The following GPNMB variants were observed in gnomAD, a reference collection of about 807,000 sequenced individuals.
The protein encoded by GPNMB is glycoprotein nmb.
A neutral mutation model predicts 57.3 loss-of-function variants in GPNMB; 71 were observed. That is an observed-to-expected ratio of 1.24 (90% CI 1.02 to 1.51). The LOEUF (loss-of-function observed/expected upper bound fraction) is 1.51. GPNMB is among the 40% of genes most tolerant of loss of function. The pLI is 0.00. For missense variants in GPNMB, 677 were observed against 691.9 expected (o/e 0.98, Z 0.24); for synonymous variants, 253 against 263.2 (o/e 0.96, Z 0.38).
chr7:23,252,642 T>C (rs576411635), intron 1 of GPNMB, among the ~76,000 whole-genome samples: 3 of 152,234 alleles, frequency 2.0e-5, no homozygotes, highest in East Asian at 3.9e-4. Context: ...AAACAGGCAA[T>C]TGGAAAAACC....
At chr7:23,246,948 A>G (rs527595866) in intron 1 of GPNMB, 21 bp downstream of exon 1, 6 of 1,577,846 alleles carry the variant, frequency 3.8e-6, no homozygotes, top group Admixed American at 3.3e-5. Context: ...CTTAATTTCT[A>G]TGTTTAACCC....
At chr7:23,251,893 G>T (rs1782670216) in intron 1 of GPNMB, among the ~76,000 whole-genome samples, 1 of 152,148 alleles carries the variant, frequency 6.6e-6, no homozygotes, top group African/African-American at 2.4e-5. Context: ...GCCAGCAAGG[G>T]GAAAATAGGA....
intron 9 of GPNMB, 22 bp downstream of exon 9, chr7:23,270,197 T>G: frequency 6.0e-5 from 89 of 1,494,794 alleles, no homozygotes; most frequent in Non-Finnish European, 7.8e-5. Flanking sequence ...TTTATGGCCA[T>G]ATGAGCATTT....
chr7:23,248,655 A>C (rs1009799811), intron 1 of GPNMB, among the ~76,000 whole-genome samples: 28 of 152,272 alleles, frequency 1.8e-4, no homozygotes, highest in African/African-American at 6.5e-4. Flanking sequence ...AGGATGCCAA[A>C]GTGTGGAGGC....
rs142187212 is a variant in GPNMB at position 23,261,345 on chromosome 7, G to A, written c.1018+572G>A. ...TTGTGCTGCATCGTATGTTTATTGC[G>A]GCACTATTCACAATAGCAAAGACTT... On this transcript the variant is annotated intron_variant, in intron 6 of 10. Coordinates refer to ENST00000258733, the MANE Select transcript of GPNMB (RefSeq NM_002510.3). 1.4e-3 allele frequency among the ~76,000 whole-genome samples: 219 copies of A among 152,214 alleles called. 1 individual carries two copies. Among genetic ancestry groups the A allele is most frequent in the African/African-American group, 5.0e-3 (209 of 41,520 alleles).
intron 1 of GPNMB, among the ~76,000 whole-genome samples, chr7:23,251,748 T>G (rs1782667243): frequency 6.6e-6 from 1 of 152,164 alleles, no homozygotes; most frequent in Admixed American, 6.5e-5. Context: ...AGGAAAACCT[T>G]TCTCAGAAGT....
Position 23,270,106 on chromosome 7 carries a change from G to A in GPNMB, c.1360G>A (p.Val454Met). Reference sequence around the variant, plus strand: ...CTTCAATGGGTCTGGGACGTACTGTGTGAACCTCACCCTGGGGGATGACAC... The same window carrying A: ...CTTCAATGGGTCTGGGACGTACTGTATGAACCTCACCCTGGGGGATGACAC... Reference protein sequence around the residue: ...RTFNGSGTYCVNLTLGDDTSL... With the variant: ...RTFNGSGTYCMNLTLGDDTSL... The change falls in exon 9 of 11, where the codon GTG (valine) becomes ATG (methionine). Residue 454 changes from valine to methionine, a missense_variant. By Grantham distance (21) the Val-to-Met change is conservative (BLOSUM62 1). Transcript: ENST00000258733. 1.2e-6 allele frequency: 2 copies of A among 1,614,152 alleles called. No homozygotes were observed. Among genetic ancestry groups the A allele is most frequent in the Non-Finnish European group, 1.7e-6 (2 of 1,180,024 alleles).
rs910689240 is a variant in GPNMB, at chr7:23,264,348, G to A, written c.1019-2169G>A. ...TTGACTTTATAGACACAATGTTTGC[G>A]AAGCTCCATATGCTTTTTTATTTTT... is the stretch of plus-strand genomic sequence containing the variant. On this transcript the variant is annotated intron_variant, in intron 6 of 10. Coordinates refer to ENST00000258733, the MANE Select transcript of GPNMB (RefSeq NM_002510.3). Among the ~76,000 whole-genome samples, 3 of 151,860 alleles carry A rather than the reference G, an allele frequency of 2.0e-5. No individual in the cohort carries two copies. In the East Asian group the frequency reaches 5.8e-4, roughly 29 times the overall value.
Position 23,263,470 on chromosome 7 carries a change from G to C in GPNMB, c.1018+2697G>C, listed in dbSNP as rs558698970. On this transcript the variant is annotated intron_variant, in intron 6 of 10. Coordinates refer to ENST00000258733, the MANE Select transcript of GPNMB (RefSeq NM_002510.3). ...CTACCGAAAATATAAAAATTAGCCG[G>C]GTGTGGTGGAGAGTGTCTGTAATCC... Among the ~76,000 whole-genome samples the C allele has an allele frequency of 3.9e-5, 6 of 152,066 alleles. No individual in the cohort carries two copies. In the East Asian group the frequency reaches 5.8e-4, roughly 15 times the overall value.
rs751092293 is a variant in GPNMB at position 23,260,441 on chromosome 7, G to T, written c.701-15G>T. The stretch of plus-strand genomic sequence containing the variant: ...ATCATGCATTCTTTATTTCTTTGGG[G>T]GATGTATCTTTTAGATCAGATTCCT... On this transcript the variant is annotated splice_polypyrimidine_tract_variant and intron_variant, in intron 5 of 10. Coordinates refer to ENST00000258733, the MANE Select transcript of GPNMB (RefSeq NM_002510.3). The T allele has an allele frequency of 6.3e-6, 10 of 1,583,228 alleles. No homozygotes were observed. Among genetic ancestry groups the T allele is most frequent in the Middle Eastern group, 1.7e-4 (1 of 5,980 alleles).
Position 23,260,607 on chromosome 7 carries a change from C to T in GPNMB, c.852C>T (p.Ser284=). The change falls in exon 6 of 11, where the codon AGC becomes AGT. Residue 284 remains serine (S), a synonymous_variant. Transcript: ENST00000258733. ...ATTCTACCATTAACTACAAGTGGAG[C>T]TTCGGGGATAATACTGGCCTGTTTG... The part of the protein sequence containing the change: ...LNYSTINYKW[S]FGDNTGLFVS... The T allele has an allele frequency of 6.2e-7, 1 of 1,614,064 alleles. No individual in the cohort carries two copies. The highest frequency in any genetic ancestry group is 8.5e-7 in the Non-Finnish European group (1 of 1,179,930).
At chr7:23,251,262 A>G (rs916281117) in intron 1 of GPNMB, among the ~76,000 whole-genome samples, 1 of 152,214 alleles carries the variant, frequency 6.6e-6, no homozygotes, top group African/African-American at 2.4e-5. Flanking sequence ...TAGGTCAGAG[A>G]CATGCATCCA....
chr7:23,253,610 A>G, intron 2 of GPNMB, 151 bp downstream of exon 2: 1 of 627,466 alleles, frequency 1.6e-6, no homozygotes, highest in Non-Finnish European at 2.7e-6. Flanking sequence ...ACTTGGCAAT[A>G]TTTTCTTTAG....
At chr7:23,271,337 C>T (rs1043352302) in intron 9 of GPNMB, among the ~76,000 whole-genome samples, 1 of 152,094 alleles carries the variant, frequency 6.6e-6, no homozygotes, top group African/African-American at 2.4e-5. Context: ...GGTGGGGGAC[C>T]CCTGCGTTAA....
intron 10 of GPNMB, chr7:23,273,821 G>C (rs901329430): frequency 1.0e-5 from 6 of 580,242 alleles, no homozygotes; most frequent in Non-Finnish European, 1.8e-5. Context: ...CCAGATCTCA[G>C]TAACTTTACA....
At position 23,257,033 on chromosome 7, in the gene GPNMB, G is replaced by A. The variant is rs1782798398; in HGVS notation, c.509G>A (p.Arg170Lys). The A allele has an allele frequency of 6.2e-7, 1 of 1,614,218 alleles. No homozygotes were observed. Among genetic ancestry groups the A allele is most frequent in the Non-Finnish European group, 8.5e-7 (1 of 1,180,012 alleles). Residue 170 changes from arginine to lysine, a missense_variant, in exon 4 of 11, where the codon AGA becomes AAA. Physicochemically the swap from Arg to Lys is conservative, Grantham distance 26. Transcript: ENST00000258733. ...KPFPHHPGWR[R>K]WNFIYVFHTL... Reference sequence around the variant, plus strand: ...TTTCCTCACCACCCCGGATGGAGAAGATGGAATTTCATCTACGTCTTCCAC... The same window carrying A: ...TTTCCTCACCACCCCGGATGGAGAAAATGGAATTTCATCTACGTCTTCCAC...
rs1782725687 is a variant in GPNMB at position 23,254,245 on chromosome 7, G to T, written c.300G>T (p.Leu100=). 1 of 1,613,702 alleles carries T rather than the reference G, an allele frequency of 6.2e-7. No homozygotes were observed. The highest frequency in any genetic ancestry group is 1.3e-5 in the African/African-American group (1 of 74,906). Residue 100 remains leucine, a synonymous_variant, in exon 3 of 11, where the codon CTG becomes CTT. Coordinates refer to ENST00000258733, the MANE Select transcript of GPNMB (RefSeq NM_002510.3). ...VGSNITFAVN[L]IFPRCQKEDA... ...CAAATATAACATTTGCGGTGAACCT[G>T]ATATTCCCTAGATGCCAAAAGGAAG...
intron 1 of GPNMB, among the ~76,000 whole-genome samples, chr7:23,248,776 GT>G (rs1554300154): frequency 3.1e-3 from 437 of 143,242 alleles, no homozygotes; most frequent in African/African-American, 6.1e-3. Flanking sequence ...TTACTATTGG[GT>G]TTTTTTTTTT....
At position 23,273,612 on chromosome 7, in the gene GPNMB, C is replaced by T; in HGVS notation, c.1521C>T (p.Tyr507=). Residue 507 remains tyrosine (Y), a splice_region_variant and synonymous_variant, in exon 10 of 11, where the codon TAC becomes TAT. Coordinates refer to ENST00000258733, the MANE Select transcript of GPNMB (RefSeq NM_002510.3). The part of the protein sequence containing the change: ...IFVTVISLLV[Y]KKHKEYNPIE... ...TCACTGTGATCTCCCTCTTGGTGTA[C>T]AAGTAAGTTTTTGGTTCCTACGCTT... The T allele has an allele frequency of 6.3e-7, 1 of 1,599,462 alleles. No homozygotes were observed. The highest frequency in any genetic ancestry group is 8.6e-7 in the Non-Finnish European group (1 of 1,166,616).
Sources: allele counts gnomAD v4.1 joint callset (sites outside exome capture counted in the v4.1 genomes callset), GRCh38; gene constraint gnomAD v4.1.1; transcripts MANE v1.5; gene names NCBI Gene and HGNC (gene_info 2026-07-23, HGNC 2026-07-21).